NCKAP5: variants seen among roughly 807,000 people sequenced by gnomAD.
NCKAP5 encodes nck-associated protein 5.
A neutral mutation model predicts 167.0 loss-of-function variants in NCKAP5; 92 were observed. The observed-to-expected ratio is 0.55, with a 90% confidence interval of 0.47 to 0.66. NCKAP5 has a LOEUF of 0.66. Ranked by LOEUF, NCKAP5 falls within the 30% of genes least tolerant of loss-of-function variation. The probability of loss-of-function intolerance (pLI) is 0.00; values close to 1 mark genes in which losing one functional copy is unlikely to be tolerated. For synonymous variants in NCKAP5, 891 were observed against 877.4 expected (o/e 1.02, Z -0.27); for missense variants, 2,378 against 2,315.0 (o/e 1.03, Z -0.56).
the NCKAP5 span, among the ~76,000 whole-genome samples, chr2:133,580,478 G>A: frequency 1.4e-4 from 22 of 152,156 alleles, no homozygotes; most frequent in East Asian, 4.3e-3. Flanking sequence ...TGCACCGTGG[G>A]GTGCTAAGAA....
At chr2:132,719,281 A>C (rs1478480179) in intron 19 of NCKAP5, among the ~76,000 whole-genome samples, 1 of 152,240 alleles carries the variant, frequency 6.6e-6, no homozygotes. Context: ...AAGTAAAACA[A>C]AATTTAAAAT....
chr2:132,992,659 T>C (rs2077481448), intron 7 of NCKAP5, among the ~76,000 whole-genome samples: 1 of 152,180 alleles, frequency 6.6e-6, no homozygotes, highest in African/African-American at 2.4e-5. Context: ...CTATGAAGAA[T>C]TCAGAGCTAG....
chr2:133,127,192 T>C (rs767025837), intron 6 of NCKAP5, among the ~76,000 whole-genome samples: 23 of 152,218 alleles, frequency 1.5e-4, no homozygotes, highest in South Asian at 2.1e-4. Flanking sequence ...TTCTATAATA[T>C]TGAGAATTTT....
chr2:133,322,009 T>C (rs927255833), intron 3 of NCKAP5, among the ~76,000 whole-genome samples: 2 of 152,214 alleles, frequency 1.3e-5, no homozygotes, highest in Admixed American at 6.5e-5. Flanking sequence ...AAAAATTATA[T>C]ACCTATAAAA....
intron 8 of NCKAP5, among the ~76,000 whole-genome samples, chr2:132,889,484 T>A (rs1476979988): frequency 6.6e-6 from 1 of 151,688 alleles, no homozygotes; most frequent in Non-Finnish European, 1.5e-5. Context: ...AAAACAATAG[T>A]CTAATAGAAG....
intron 3 of NCKAP5, among the ~76,000 whole-genome samples, chr2:133,471,234 G>A (rs922214546): frequency 6.6e-6 from 1 of 152,156 alleles, no homozygotes; most frequent in African/African-American, 2.4e-5. Context: ...TTTTGTGGGT[G>A]TGCTTACCTG....
At position 133,090,212 on chromosome 2, in the gene NCKAP5, T is replaced by TAA. The variant is rs56131091; in HGVS notation, c.341+39764_341+39765dup. Among the ~76,000 whole-genome samples the TAA allele has an allele frequency of 2.5e-3, 338 of 135,690 alleles. 2 individuals carry two copies. The highest frequency in any genetic ancestry group is 8.7e-3 in the African/African-American group (328 of 37,624). The allele number at this position is 135,690 out of a possible 152,430, so 89.0% of individuals were successfully genotyped here. ...TGAGACCTTGTCCATACAAGAAAAT[T>TAA]AAAAAAAAAAAAAAAAGAAAAGTCT... is the stretch of plus-strand genomic sequence containing the variant. On this transcript the variant is annotated intron_variant, in intron 6 of 19. Coordinates refer to ENST00000409261, the MANE Select transcript of NCKAP5 (RefSeq NM_207363.3).
intron 6 of NCKAP5, among the ~76,000 whole-genome samples, chr2:133,060,740 A>G (rs2079970934): frequency 6.6e-6 from 1 of 152,340 alleles, no homozygotes; most frequent in East Asian, 1.9e-4. Context: ...CAAGAGGTAC[A>G]CTGGGCAGAA....
intron 19 of NCKAP5, among the ~76,000 whole-genome samples, chr2:132,717,613 T>C (rs1418526688): frequency 6.6e-6 from 1 of 152,224 alleles, no homozygotes. Flanking sequence ...GCTGAGGAAT[T>C]AACCAGGAAC....
At chr2:133,003,466 A>T (rs1020268490) in intron 6 of NCKAP5, among the ~76,000 whole-genome samples, 1 of 152,202 alleles carries the variant, frequency 6.6e-6, no homozygotes, top group African/African-American at 2.4e-5. Flanking sequence ...TTGTTTTCTT[A>T]GAAATGAGAA....
intron 3 of NCKAP5, among the ~76,000 whole-genome samples, chr2:133,370,085 T>G (rs1685702822): frequency 6.6e-6 from 1 of 152,162 alleles, no homozygotes; most frequent in Non-Finnish European, 1.5e-5. Context: ...GAGACCCTGA[T>G]GAAATTACAA....
chr2:132,802,770 A>G (rs142642365), intron 11 of NCKAP5, among the ~76,000 whole-genome samples: 1 of 152,220 alleles, frequency 6.6e-6, no homozygotes, highest in African/African-American at 2.4e-5. Context: ...TTGGAGCCTG[A>G]TGAAAACAAT....
At chr2:133,510,283 A>G (rs1683374437) in intron 3 of NCKAP5, among the ~76,000 whole-genome samples, 1 of 151,872 alleles carries the variant, frequency 6.6e-6, no homozygotes, top group South Asian at 2.1e-4. Context: ...GGTTCTCCCT[A>G]CTCTTCTCCC....
At chr2:133,222,721 A>G (rs1216608519) in intron 4 of NCKAP5, among the ~76,000 whole-genome samples, 1 of 152,254 alleles carries the variant, frequency 6.6e-6, no homozygotes, top group South Asian at 2.1e-4. Context: ...CCTGCCTTCC[A>G]TGGATAAATG....
intron 4 of NCKAP5, among the ~76,000 whole-genome samples, chr2:133,270,881 C>A (rs962109311): frequency 1.3e-5 from 2 of 150,506 alleles, no homozygotes; most frequent in Non-Finnish European, 3.0e-5. Flanking sequence ...TCCCACCCTG[C>A]GGAGTGTACT....
chr2:132,923,010 A>C (rs1695563836), intron 8 of NCKAP5, among the ~76,000 whole-genome samples: 1 of 152,208 alleles, frequency 6.6e-6, no homozygotes, highest in Non-Finnish European at 1.5e-5. Flanking sequence ...CTTTCAGTCC[A>C]CCTTTTTTTT....
intron 3 of NCKAP5, among the ~76,000 whole-genome samples, chr2:133,325,147 T>A (rs1346256625): frequency 2.6e-5 from 4 of 152,208 alleles, no homozygotes; most frequent in Admixed American, 6.5e-5. Context: ...CCGTATTCAA[T>A]CTACCTGGGA....
the NCKAP5 span, among the ~76,000 whole-genome samples, chr2:133,600,573 T>C: frequency 2.0e-5 from 3 of 152,228 alleles, no homozygotes; most frequent in Non-Finnish European, 2.9e-5. Context: ...TATAAATTAG[T>C]GGAAAATGAA....
intron 5 of NCKAP5, among the ~76,000 whole-genome samples, chr2:133,212,518 C>T (rs1474843134): frequency 1.3e-5 from 2 of 152,142 alleles, no homozygotes; most frequent in East Asian, 3.9e-4. Context: ...TAGGTGCCCA[C>T]CACCACGCCC....
Sources: gnomAD v4.1 joint callset for allele counts (sites outside exome capture counted in the v4.1 genomes callset) on GRCh38, gnomAD v4.1.1 for gene constraint, MANE v1.5 for transcripts, NCBI Gene and HGNC (gene_info 2026-07-23, HGNC 2026-07-21) for gene names.